Variants in GAS7 observed in about 807,000 individuals in gnomAD.
GAS7 encodes the protein growth arrest-specific protein 7.
A neutral mutation model predicts 71.1 loss-of-function variants in GAS7; 28 were observed. That is an observed-to-expected ratio of 0.39 (90% CI 0.29 to 0.54). The LOEUF is 0.54. Ranked by LOEUF, GAS7 falls within the 20% of genes least tolerant of loss-of-function variation. The pLI, the probability that GAS7 is intolerant of heterozygous loss-of-function variation, is 0.62. For missense variants in GAS7, 436 were observed against 627.8 expected, an observed-to-expected ratio of 0.69 and a Z score of 3.27; for synonymous variants, 258 against 245.8, an observed-to-expected ratio of 1.05 and a Z score of -0.46.
At chr17:10,068,449 T>C (rs925764250) in intron 1 of GAS7, among the ~76,000 whole-genome samples, 8 of 152,216 alleles carry the variant, frequency 5.3e-5, no homozygotes, top group African/African-American at 1.9e-4. Context: ...ACTCAGCATA[T>C]GTTTTACTTC....
In GAS7 at chr17:9,946,986, G is replaced by T; in HGVS notation, c.526-3C>A. ...TGAGGGAACGTCACACAGTTTATCT[G>T]TAGGGCACAGAACAAGAAAGAATGA... On this transcript the variant is annotated splice_region_variant and splice_polypyrimidine_tract_variant and intron_variant, in intron 5 of 13. Transcript: ENST00000432992. The T allele has an allele frequency of 6.2e-7, 1 of 1,605,270 alleles. No homozygotes were observed. Among genetic ancestry groups the T allele is most frequent in the Non-Finnish European group, 8.5e-7 (1 of 1,172,138 alleles).
intron 1 of GAS7, among the ~76,000 whole-genome samples, chr17:10,048,121 G>A (rs1016644982): frequency 2.6e-5 from 4 of 152,186 alleles, no homozygotes; most frequent in African/African-American, 9.7e-5. Flanking sequence ...GGTGAACATG[G>A]TGAAACCCTG....
At chr17:10,192,944 C>A (rs1232848090) in intron 1 of GAS7, among the ~76,000 whole-genome samples, 1 of 152,112 alleles carries the variant, frequency 6.6e-6, no homozygotes, top group Non-Finnish European at 1.5e-5. Flanking sequence ...CTTTTGTGAA[C>A]AGAGTTGATG....
At chr17:10,033,405 T>C (rs73269540) in intron 1 of GAS7, among the ~76,000 whole-genome samples, 29,708 of 152,038 alleles carry the variant, frequency 0.2, 3,787 homozygotes, top group African/African-American at 0.36. Flanking sequence ...CCAAATGCCT[T>C]ATGTCATTGT....
intron 1 of GAS7, among the ~76,000 whole-genome samples, chr17:10,087,014 T>C (rs574727625): frequency 6.6e-6 from 1 of 152,256 alleles, no homozygotes; most frequent in Non-Finnish European, 1.5e-5. Flanking sequence ...TGTCACAAAC[T>C]TGACAAAGGA....
In GAS7 at chr17:10,017,938, GA is replaced by G. The variant is rs1344618481; in HGVS notation, c.304+1838del. ...GGCATCTGCTAAAGTCTGAGTCCCA[GA>G]AAAAAGCTGCCAGACACTGTCTATT... On this transcript the variant is annotated intron_variant, in intron 2 of 13. Transcript: ENST00000432992. 2.0e-5 allele frequency among the ~76,000 whole-genome samples: 3 copies of G among 152,290 alleles called. No individual in the cohort carries two copies. In the East Asian group the frequency reaches 5.8e-4, roughly 29 times the overall value.
Position 9,923,331 on chromosome 17 carries a change from A to G in GAS7, c.1138+2145T>C, listed in dbSNP as rs140481606. The stretch of plus-strand genomic sequence containing the variant: ...CTCCGAAATCTAGGCTTCTTATGGG[A>G]AATATCACTGTACAGAAAAACAGCA... On this transcript the variant is annotated intron_variant, in intron 11 of 13. Coordinates refer to ENST00000432992, the MANE Select transcript of GAS7 (RefSeq NM_201433.2). Among the ~76,000 whole-genome samples the G allele has an allele frequency of 9.0e-3, 1,372 of 152,158 alleles. 14 individuals carry two copies. The highest frequency in any genetic ancestry group is 0.031 in the African/African-American group (1,272 of 41,530).
At chr17:10,146,084 G>A (rs2074118912) in intron 1 of GAS7, among the ~76,000 whole-genome samples, 1 of 152,188 alleles carries the variant, frequency 6.6e-6, no homozygotes, top group Admixed American at 6.5e-5. Context: ...ACACATGCAA[G>A]AAGGCAGAGG....
intron 1 of GAS7, among the ~76,000 whole-genome samples, chr17:10,022,466 C>T (rs1341755242): frequency 6.6e-6 from 1 of 152,144 alleles, no homozygotes; most frequent in Non-Finnish European, 1.5e-5. Context: ...AAAAGGGGTG[C>T]AGGAGACAGG....
In GAS7 at chr17:10,173,660, G is replaced by A. The variant is rs557002328; in HGVS notation, c.183+24548C>T. Among the ~76,000 whole-genome samples, 180 of 152,154 alleles carry A rather than the reference G, an allele frequency of 1.2e-3. 2 individuals are homozygous for A. The highest frequency in any genetic ancestry group is 4.2e-3 in the African/African-American group (174 of 41,512). On this transcript the variant is annotated intron_variant, in intron 1 of 13. Coordinates refer to ENST00000432992, the MANE Select transcript of GAS7 (RefSeq NM_201433.2). Reference sequence around the variant, plus strand: ...GCGGGTGCCAGTAGTCCCAGCTACTGGGGAGGCTGAGGCAAGAGAATGGCG... The same window carrying A: ...GCGGGTGCCAGTAGTCCCAGCTACTAGGGAGGCTGAGGCAAGAGAATGGCG...
chr17:10,183,389 A>G lies in GAS7; in HGVS notation c.183+14819T>C, dbSNP rs557230271. Among the ~76,000 whole-genome samples, 5 of 152,222 alleles carry G rather than the reference A, an allele frequency of 3.3e-5. No homozygotes were observed. In the South Asian group the frequency reaches 8.3e-4, roughly 25 times the overall value. On this transcript the variant is annotated intron_variant, in intron 1 of 13. Coordinates refer to ENST00000432992, the MANE Select transcript of GAS7 (RefSeq NM_201433.2). ...AACACCATCCGCCCTGTGTGCCCCAATGAAACTCCAGTTAACAGGCAGCTG... is the reference window on the plus strand; with the variant it reads ...AACACCATCCGCCCTGTGTGCCCCAGTGAAACTCCAGTTAACAGGCAGCTG...
At chr17:9,992,269 C>G (rs2070871337) in intron 2 of GAS7, among the ~76,000 whole-genome samples, 1 of 151,932 alleles carries the variant, frequency 6.6e-6, no homozygotes, top group African/African-American at 2.4e-5. Context: ...CAGATGTTAC[C>G]CCAACCTTCT....
chr17:10,113,007 C>A (rs1348258573), intron 1 of GAS7, among the ~76,000 whole-genome samples: 1 of 152,050 alleles, frequency 6.6e-6, no homozygotes, highest in African/African-American at 2.4e-5. Flanking sequence ...CAACGATCTG[C>A]AAGACAGAGG....
At chr17:10,040,250 G>T (rs766644153) in intron 1 of GAS7, among the ~76,000 whole-genome samples, 7 of 152,222 alleles carry the variant, frequency 4.6e-5, no homozygotes, top group Non-Finnish European at 1.0e-4. Flanking sequence ...AGGCCATGGG[G>T]CCAGCCTGAG....
At chr17:10,047,451 T>C (rs1261844089) in intron 1 of GAS7, among the ~76,000 whole-genome samples, 2 of 152,166 alleles carry the variant, frequency 1.3e-5, no homozygotes, top group Admixed American at 1.3e-4. Flanking sequence ...CCAAGGCTAG[T>C]GACAGTCGAT....
chr17:9,922,039 C>A (rs1050338827), intron 11 of GAS7, among the ~76,000 whole-genome samples: 9 of 151,698 alleles, frequency 5.9e-5, no homozygotes, highest in Admixed American at 5.9e-4. Context: ...AGTCGGTTAT[C>A]CTGCGCTTGC....
chr17:10,055,351 G>A (rs562732803), intron 1 of GAS7, among the ~76,000 whole-genome samples: 3 of 152,282 alleles, frequency 2.0e-5, no homozygotes, highest in Admixed American at 2.0e-4. Flanking sequence ...CTCTGGGGCC[G>A]CTGGGAAGAA....
intron 1 of GAS7, among the ~76,000 whole-genome samples, chr17:10,144,243 C>T (rs982064853): frequency 6.6e-6 from 1 of 152,218 alleles, no homozygotes; most frequent in Non-Finnish European, 1.5e-5. Context: ...GCTAGTTTTA[C>T]TCTCCCTAAA....
At chr17:9,996,314 T>C (rs1372659703) in intron 2 of GAS7, among the ~76,000 whole-genome samples, 4 of 149,966 alleles carry the variant, frequency 2.7e-5, no homozygotes, top group African/African-American at 4.9e-5. Flanking sequence ...AGCAAACTAT[T>C]GCAAGGACAG....
Sources: gnomAD v4.1 joint callset for allele counts (sites outside exome capture counted in the v4.1 genomes callset) on GRCh38, gnomAD v4.1.1 for gene constraint, MANE v1.5 for transcripts, NCBI Gene and HGNC (gene_info 2026-07-23, HGNC 2026-07-21) for gene names.